The following SMOX variants were observed in gnomAD, a reference collection of about 807,000 sequenced individuals.
SMOX encodes spermine oxidase, also known as flavin containing amine oxidase.
A neutral mutation model predicts 51.0 loss-of-function variants in SMOX; 22 were observed. That is an observed-to-expected ratio of 0.43 (90% confidence interval 0.31 to 0.62). SMOX has a LOEUF of 0.62. Ranked by LOEUF, SMOX falls within the 20% of genes least tolerant of loss-of-function variation. SMOX has a pLI of 0.10. For synonymous variants in SMOX, 282 were observed against 307.8 expected (o/e 0.92, Z 0.88); for missense variants, 566 against 777.7 (o/e 0.73, Z 3.24).
At position 4,166,660 on chromosome 20, in the gene SMOX, C is replaced by T. The variant is rs1297784305; in HGVS notation, c.-26-8370C>T. On this transcript the variant is annotated intron_variant, in intron 1 of 6. Coordinates refer to ENST00000305958, the MANE Select transcript of SMOX (RefSeq NM_175839.3). This position sits in a 1 kb window ranked among gnomAD's most constrained non-coding sequence, Gnocchi z 4.2. The stretch of plus-strand genomic sequence containing the variant: ...AAAAGGGTCCTGAAACAATGAACCT[C>T]GGTGGTATGCAGGACACCAAGGGAA... Among the ~76,000 whole-genome samples, 1 of 152,220 alleles carries T rather than the reference C, an allele frequency of 6.6e-6. No homozygotes were observed. The highest frequency in any genetic ancestry group is 1.5e-5 in the Non-Finnish European group (1 of 68,042).
At chr20:4,163,200 T>TA (rs11475945) in intron 1 of SMOX, among the ~76,000 whole-genome samples, 4,295 of 144,558 alleles carry the variant, frequency 0.03, 117 homozygotes, top group African/African-American at 0.073. Flanking sequence ...TGTAGGTCCC[T>TA]AAAAAAAAAA....
chr20:4,173,895 G>A (rs1013783259), intron 1 of SMOX, among the ~76,000 whole-genome samples: 20 of 152,364 alleles, frequency 1.3e-4, no homozygotes, highest in African/African-American at 4.3e-4. Flanking sequence ...GCCTCTCCTA[G>A]CCCTGGGGCC....
Position 4,183,423 on chromosome 20 carries a change from C to G in SMOX, c.1370-71C>G. 1.9e-6 allele frequency: 3 copies of G among 1,611,522 alleles called. No individual in the cohort carries two copies. The highest frequency in any genetic ancestry group is 2.5e-6 in the Non-Finnish European group (3 of 1,178,532). ...CTGGAGGTGGGGTGGGGGGTTGTCCCTTTGGGGTCATCTTCCATATGCAGC... is the reference window on the plus strand; with the variant it reads ...CTGGAGGTGGGGTGGGGGGTTGTCCGTTTGGGGTCATCTTCCATATGCAGC... On this transcript the variant is annotated intron_variant, in intron 5 of 6. Coordinates refer to ENST00000305958, the MANE Select transcript of SMOX (RefSeq NM_175839.3). The surrounding 1 kb of genome is among the most constrained non-coding windows in gnomAD (Gnocchi z 4.3).
intron 1 of SMOX, among the ~76,000 whole-genome samples, chr20:4,155,129 G>A (rs1023849460): frequency 3.9e-5 from 6 of 152,132 alleles, no homozygotes; most frequent in African/African-American, 1.4e-4. Context: ...CTGGCACTGT[G>A]GGCAACCAAT....
At chr20:4,174,327 T>G (rs1203372597) in intron 1 of SMOX, among the ~76,000 whole-genome samples, 2 of 147,000 alleles carry the variant, frequency 1.4e-5, no homozygotes, top group Non-Finnish European at 2.9e-5. Flanking sequence ...GGGATCTGTG[T>G]TGAGTATCCT....
intron 1 of SMOX, among the ~76,000 whole-genome samples, chr20:4,159,030 T>C (rs139025721): frequency 1.6e-4 from 24 of 150,674 alleles, no homozygotes; most frequent in Middle Eastern, 3.4e-3. Flanking sequence ...AAAAAAAAAA[T>C]CATACACAAT....
intron 3 of SMOX, among the ~76,000 whole-genome samples, chr20:4,179,171 T>C (rs192341312): frequency 6.6e-6 from 1 of 152,324 alleles, no homozygotes; most frequent in East Asian, 1.9e-4. Flanking sequence ...AGAACTAGTA[T>C]TCTTCAAAAC....
intron 3 of SMOX, among the ~76,000 whole-genome samples, chr20:4,179,319 C>T (rs957222680): frequency 1.3e-5 from 2 of 152,112 alleles, no homozygotes; most frequent in Admixed American, 6.5e-5. Context: ...AGTAGATCAT[C>T]ATCAAATTCT....
rs958651497 is a variant in SMOX, at chr20:4,153,509, G to A, written c.-27+4532G>A. Among the ~76,000 whole-genome samples the A allele has an allele frequency of 1.3e-5, 2 of 152,114 alleles. No individual in the cohort carries two copies. The highest frequency in any genetic ancestry group is 2.9e-5 in the Non-Finnish European group (2 of 68,026). ...CCTGTTTGGCACGAGGATGACTCTA[G>A]GCAGGTGACCTGGCCTCCCAGGGAC... On this transcript the variant is annotated intron_variant, in intron 1 of 6. Transcript: ENST00000305958. The surrounding 1 kb of genome is among the most constrained non-coding windows in gnomAD (Gnocchi z 4.4).
At chr20:4,184,898 G>A (rs962828495) in intron 6 of SMOX, among the ~76,000 whole-genome samples, 2 of 152,226 alleles carry the variant, frequency 1.3e-5, no homozygotes, top group African/African-American at 4.8e-5. Context: ...GCAGGATCCC[G>A]TATCATTAGC....
At position 4,177,562 on chromosome 20, in the gene SMOX, C is replaced by A. The variant is rs140869535; in HGVS notation, c.420C>A (p.Ser140Arg). The change falls in exon 3 of 7, where the codon AGC becomes AGA. Residue 140 changes from serine (S) to arginine (R), a missense_variant. By Grantham distance (110) the Ser-to-Arg change is moderately radical. Transcript: ENST00000305958. The surrounding 1 kb of genome is among the most constrained non-coding windows in gnomAD (Gnocchi z 4.3). ...CCAAGGACGTGGTTGAGGAATTCAG[C>A]GATTTATACAACGAGGTAAGGTGTG... ...RIPKDVVEEF[S>R]DLYNEVYNLT... The A allele has an allele frequency of 6.3e-6, 10 of 1,589,632 alleles. No homozygotes were observed. Among genetic ancestry groups the A allele is most frequent in the Non-Finnish European group, 6.9e-6 (8 of 1,166,894 alleles).
Position 4,177,507 on chromosome 20 carries a change from G to A in SMOX, c.365G>A (p.Cys122Tyr). Reference sequence around the variant, plus strand: ...CTCTATTCCAAGAATGGCGTGGCCTGCTACCTTACCAACCACGGCCGCAGG... The same window carrying A: ...CTCTATTCCAAGAATGGCGTGGCCTACTACCTTACCAACCACGGCCGCAGG... Reference protein sequence around the residue: ...ISLYSKNGVACYLTNHGRRIP... With the variant: ...ISLYSKNGVAYYLTNHGRRIP... Residue 122 changes from cysteine (C) to tyrosine (Y), a missense_variant, in exon 3 of 7, where the codon TGC becomes TAC. Physicochemically the swap from Cys to Tyr is radical, Grantham distance 194. Transcript: ENST00000305958. This position sits in a 1 kb window ranked among gnomAD's most constrained non-coding sequence, Gnocchi z 4.3. 1 of 1,593,076 alleles carries A rather than the reference G, an allele frequency of 6.3e-7. No individual in the cohort carries two copies. Among genetic ancestry groups the A allele is most frequent in the Non-Finnish European group, 8.6e-7 (1 of 1,168,730 alleles).
chr20:4,173,410 A>G (rs1978575345), intron 1 of SMOX, among the ~76,000 whole-genome samples: 1 of 152,158 alleles, frequency 6.6e-6, no homozygotes, highest in African/African-American at 2.4e-5. Flanking sequence ...GGTTCTGTCT[A>G]CTGCTGAAGA....
chr20:4,163,582 T>C (rs1238194326), intron 1 of SMOX, among the ~76,000 whole-genome samples: 1 of 152,240 alleles, frequency 6.6e-6, no homozygotes, highest in Non-Finnish European at 1.5e-5. Context: ...TCACAGTTTC[T>C]GTAGGTTGGG....
At chr20:4,178,735 G>A (rs1979087496) in intron 3 of SMOX, among the ~76,000 whole-genome samples, 1 of 149,298 alleles carries the variant, frequency 6.7e-6, no homozygotes, top group African/African-American at 2.5e-5. Flanking sequence ...CCAGGCTAGA[G>A]TACGATGGCA....
In SMOX at chr20:4,181,923, G is replaced by A. The variant is rs747253706; in HGVS notation, c.556G>A (p.Asp186Asn). ...VRNRIRNDPD[D>N]PEATKRLKLA... Reference sequence around the variant, plus strand: ...TAACCGCATCAGGAATGACCCTGACGACCCAGAGGCTACCAAGCGCCTGAA... The same window carrying A: ...TAACCGCATCAGGAATGACCCTGACAACCCAGAGGCTACCAAGCGCCTGAA... Residue 186 changes from aspartate (D) to asparagine (N), a missense_variant, in exon 4 of 7, where the codon GAC (aspartate) becomes AAC (asparagine). Asp to Asn is a conservative substitution (Grantham distance 23). This residue lies in a region of SMOX where 217 missense variants were observed against 278.4 expected (regional missense o/e 0.78). Coordinates refer to ENST00000305958, the MANE Select transcript of SMOX (RefSeq NM_175839.3). This position sits in a 1 kb window ranked among gnomAD's most constrained non-coding sequence, Gnocchi z 5.6. The A allele has an allele frequency of 1.2e-6, 2 of 1,614,122 alleles. No homozygotes were observed. The highest frequency in any genetic ancestry group is 1.7e-5 in the Admixed American group (1 of 60,018).
Position 4,187,405 on chromosome 20 carries a change from T to C in SMOX, c.1666T>C (p.Ter556ArgextTer13), listed in dbSNP as rs1376667238. The C allele has an allele frequency of 2.5e-6, 4 of 1,613,544 alleles. No individual in the cohort carries two copies. In the East Asian group the frequency reaches 6.7e-5, roughly 27 times the overall value. ...MYRDLFQQGT[*>R] is the part of the protein sequence containing the mutation. ...CCGAGACCTCTTCCAGCAGGGGACCTGAGGGCTGTCCTCGCTGCTGAGAAG... is the reference window on the plus strand; with the variant it reads ...CCGAGACCTCTTCCAGCAGGGGACCCGAGGGCTGTCCTCGCTGCTGAGAAG... Residue 556 changes from the stop codon to arginine, a stop_lost, in exon 7 of 7, where the codon TGA becomes CGA. Transcript: ENST00000305958. The surrounding 1 kb of genome is among the most constrained non-coding windows in gnomAD (Gnocchi z 4.8).
At position 4,170,511 on chromosome 20, in the gene SMOX, GGCT is replaced by G. The variant is rs1352601887; in HGVS notation, c.-26-4517_-26-4515del. Among the ~76,000 whole-genome samples, 1 of 152,116 alleles carries G rather than the reference GGCT, an allele frequency of 6.6e-6. No individual in the cohort carries two copies. Among genetic ancestry groups the G allele is most frequent in the East Asian group, 1.9e-4 (1 of 5,178 alleles). On this transcript the variant is annotated intron_variant, in intron 1 of 6. Transcript: ENST00000305958. This position sits in a 1 kb window ranked among gnomAD's most constrained non-coding sequence, Gnocchi z 4.6. ...AGACAGGGTCTCACTCTGTTGCCCAGGCTGGAGCACCATGGTGCCATCTCAGCT... is the reference window on the plus strand; with the variant it reads ...AGACAGGGTCTCACTCTGTTGCCCAGGGAGCACCATGGTGCCATCTCAGCT...
chr20:4,181,904 C>T lies in SMOX; in HGVS notation c.537C>T (p.Arg179=). 6.2e-7 allele frequency: 1 copy of T among 1,614,150 alleles called. No homozygotes were observed. The highest frequency in any genetic ancestry group is 8.5e-7 in the Non-Finnish European group (1 of 1,180,026). The change falls in exon 4 of 7, where the codon CGC becomes CGT. Residue 179 remains arginine (R), a synonymous_variant. Coordinates refer to ENST00000305958, the MANE Select transcript of SMOX (RefSeq NM_175839.3). This position sits in a 1 kb window ranked among gnomAD's most constrained non-coding sequence, Gnocchi z 5.6. ...TCACCCGAGAGGAGGTGCGTAACCG[C>T]ATCAGGAATGACCCTGACGACCCAG... ...GVFTREEVRN[R]IRNDPDDPEA... is the part of the protein sequence containing the mutation.
Sources: gnomAD v4.1 joint callset for allele counts (sites outside exome capture counted in the v4.1 genomes callset) on GRCh38, gnomAD v4.1.1 for gene constraint, gnomAD v4.1.1 regional missense constraint, Gnocchi (gnomAD v3.1) non-coding constraint, MANE v1.5 for transcripts, NCBI Gene and HGNC (gene_info 2026-07-23, HGNC 2026-07-21) for gene names.